The following MAP3K15 variants were observed in gnomAD, a reference collection of about 807,000 sequenced individuals.
The protein encoded by MAP3K15 is MAPK/ERK kinase kinase 15.
Under a neutral mutation model 99.5 loss-of-function variants are expected in MAP3K15, and 124 were observed. The observed-to-expected ratio is 1.25, with a 90% CI of 1.08 to 1.45. The LOEUF (loss-of-function observed/expected upper bound fraction) is 1.45, where lower values mean the gene tolerates loss of function less well. Ranked by LOEUF, MAP3K15 falls within the 40% of genes most tolerant of loss-of-function variation. The pLI, the probability that MAP3K15 is intolerant of heterozygous loss-of-function variation, is 0.00. For missense variants in MAP3K15, 1,242 were observed against 1,079.7 expected, an observed-to-expected ratio of 1.15 and a Z score of -2.11; for synonymous variants, 494 against 439.6, an observed-to-expected ratio of 1.12 and a Z score of -1.55.
intron 3 of MAP3K15, among the ~76,000 whole-genome samples, chrX:19,475,131 C>T (rs767748695): frequency 9.1e-6 from 1 of 110,329 alleles, no homozygotes; most frequent in South Asian, 3.9e-4. Flanking sequence ...TCAACAGGAC[C>T]CCTGAGATTG....
chrX:19,367,687 T>C (rs1436116894), intron 25 of MAP3K15, among the ~76,000 whole-genome samples: 1 of 104,280 alleles, frequency 9.6e-6, no homozygotes, highest in Non-Finnish European at 2.0e-5. Flanking sequence ...AAAGTGTCAT[T>C]TGGAATGAGT....
chrX:19,394,836 A>T (rs371788684), intron 16 of MAP3K15, among the ~76,000 whole-genome samples: 900 of 43,735 alleles, frequency 0.021, 48 homozygotes, highest in African/African-American at 0.092. Context: ...TTTTTTTTTT[A>T]AAAAGAGTGA....
Position 19,360,793 on chromosome X carries a change from A to T in MAP3K15, c.3898T>A (p.Tyr1300Asn). ...TCTGAGGCCTCCTGAGCCCTTCTGTACTGGGAGACCGCACTCCAGAGTCTG... is the reference window on the plus strand; with the variant it reads ...TCTGAGGCCTCCTGAGCCCTTCTGTTCTGGGAGACCGCACTCCAGAGTCTG... The part of the protein sequence containing the change: ...LCRLWSAVSQ[Y>N]RRAQEASETK... Residue 1300 changes from tyrosine (Y) to asparagine (N), a missense_variant, in exon 29 of 29, where the codon TAC (tyrosine) becomes AAC (asparagine). Physicochemically the swap from Tyr to Asn is moderately radical, Grantham distance 143 (BLOSUM62 -2). Coordinates refer to ENST00000338883, the MANE Select transcript of MAP3K15 (RefSeq NM_001001671.4). 1 of 1,209,924 alleles carries T rather than the reference A, an allele frequency of 8.3e-7. No individual in the cohort carries two copies. Among genetic ancestry groups the T allele is most frequent in the South Asian group, 1.8e-5 (1 of 56,738 alleles).
At chrX:19,510,203 G>A (rs1216488889) in intron 1 of MAP3K15, among the ~76,000 whole-genome samples, 1 of 111,556 alleles carries the variant, frequency 9.0e-6, no homozygotes, top group African/African-American at 3.3e-5. Context: ...CCAAACAACA[G>A]AAAAGGAGGC....
chrX:19,482,174 C>A (rs2064294980), intron 3 of MAP3K15: 1 of 65,840 alleles, frequency 1.5e-5, no homozygotes, highest in Non-Finnish European at 2.4e-5. Context: ...AGTGAGATTC[C>A]AGCTCAAAAA....
chrX:19,449,235 T>C (rs1253435919), intron 6 of MAP3K15, among the ~76,000 whole-genome samples: 1 of 110,310 alleles, frequency 9.1e-6, no homozygotes, highest in Non-Finnish European at 1.9e-5. Context: ...GGAGGAGCTA[T>C]CAAACTTTTA....
In MAP3K15 at chrX:19,360,160, C is replaced by CTT. The variant is rs113050549; in HGVS notation, c.*587_*588dup. 8.6e-5 allele frequency: 13 copies of CTT among 151,344 alleles called. No homozygotes were observed. Among genetic ancestry groups the CTT allele is most frequent in the Admixed American group, 2.3e-4 (3 of 13,007 alleles). 12.5% of individuals were successfully genotyped at this position (151,344 alleles called of 1,213,427 possible). The stretch of plus-strand genomic sequence containing the variant: ...TGTAATCATTTCAAAGGCCACATAA[C>CTT]TTAGTTTTCTCTACTTACACATTCA... On this transcript the variant is annotated 3_prime_UTR_variant, in exon 29 of 29. Transcript: ENST00000338883.
chrX:19,377,710 G>C (rs973686272), intron 19 of MAP3K15, among the ~76,000 whole-genome samples: 1 of 112,066 alleles, frequency 8.9e-6, no homozygotes, highest in African/African-American at 3.2e-5. Flanking sequence ...ATGGCTCTCA[G>C]GTGGGCCTCA....
At chrX:19,414,242 T>C (rs181470597) in intron 10 of MAP3K15, 3 of 112,442 alleles carry the variant, frequency 2.7e-5, no homozygotes, top group East Asian at 5.6e-4. Flanking sequence ...TAAAACAACA[T>C]GTTTAAGATC....
chrX:19,417,624 C>T (rs1348684330), intron 9 of MAP3K15, among the ~76,000 whole-genome samples: 1 of 112,057 alleles, frequency 8.9e-6, no homozygotes, highest in Non-Finnish European at 1.9e-5. Flanking sequence ...GGGCAGGGCA[C>T]AGCCAGACAA....
intron 1 of MAP3K15, among the ~76,000 whole-genome samples, chrX:19,502,136 C>A (rs1435152548): frequency 9.2e-6 from 1 of 108,212 alleles, no homozygotes; most frequent in East Asian, 2.9e-4. Context: ...CAAAAGCCAA[C>A]AGGGAGAAGG....
intron 13 of MAP3K15, among the ~76,000 whole-genome samples, chrX:19,404,771 A>C (rs1170718035): frequency 8.9e-5 from 10 of 112,265 alleles, no homozygotes; most frequent in Non-Finnish European, 1.7e-4. Context: ...TCTTTTCAAG[A>C]ATAGTCTTTT....
chrX:19,464,134 G>T, intron 4 of MAP3K15, 79 bp downstream of exon 4: 1 of 867,664 alleles, frequency 1.2e-6, no homozygotes, highest in Non-Finnish European at 1.6e-6. Flanking sequence ...CTGTTCATTT[G>T]AAGGTGTACC....
intron 3 of MAP3K15, among the ~76,000 whole-genome samples, chrX:19,485,971 T>C (rs2147397369): frequency 8.9e-6 from 1 of 111,954 alleles, no homozygotes; most frequent in African/African-American, 3.2e-5. Context: ...TTTCAGGAAC[T>C]TTTAAGCCAA....
chrX:19,413,522 C>A, intron 10 of MAP3K15, 58 bp from the exon 11 acceptor site: 1 of 919,730 alleles, frequency 1.1e-6, no homozygotes, highest in South Asian at 2.3e-5. Flanking sequence ...GCGCACCCTG[C>A]CCAGCGAGGA....
intron 3 of MAP3K15, among the ~76,000 whole-genome samples, chrX:19,483,718 C>G (rs1486696159): frequency 9.0e-6 from 1 of 111,547 alleles, no homozygotes; most frequent in Non-Finnish European, 1.9e-5. Flanking sequence ...GACAATTGAG[C>G]AAATTCTCCT....
intron 9 of MAP3K15, among the ~76,000 whole-genome samples, chrX:19,424,305 C>CACACACATATAT: frequency 1.0e-5 from 1 of 96,685 alleles, no homozygotes; most frequent in African/African-American, 4.8e-5. Context: ...CATATATATA[C>CACACACATATAT]ACACATATAT....
intron 4 of MAP3K15, among the ~76,000 whole-genome samples, chrX:19,462,039 A>AC (rs2064137026): frequency 2.8e-5 from 3 of 107,354 alleles, no homozygotes; most frequent in African/African-American, 1.0e-4. Context: ...ACACACACAC[A>AC]AAACAAAGCT....
intron 1 of MAP3K15, among the ~76,000 whole-genome samples, chrX:19,508,566 TA>T (rs2064495781): frequency 8.9e-6 from 1 of 112,314 alleles, no homozygotes; most frequent in African/African-American, 3.2e-5. Context: ...TAAATTTTGT[TA>T]TACATATTTT....
Sources: gnomAD v4.1 joint callset for allele counts (sites outside exome capture counted in the v4.1 genomes callset) on GRCh38, gnomAD v4.1.1 for gene constraint, MANE v1.5 for transcripts, NCBI Gene and HGNC (gene_info 2026-07-23, HGNC 2026-07-21) for gene names.